CLEC16A: variants seen among roughly 807,000 people sequenced by gnomAD.
The protein encoded by CLEC16A is C-type lectin domain containing 16A.
CLEC16A carries 51 observed loss-of-function variants against 109.5 expected under a neutral mutation model. The ratio of observed to expected loss-of-function variants is 0.47; its 90% CI spans 0.37 to 0.59. The LOEUF (loss-of-function observed/expected upper bound fraction) is 0.59, where lower values mean the gene tolerates loss of function less well. Ranked by LOEUF, CLEC16A falls within the 20% of genes least tolerant of loss-of-function variation. The pLI is 0.00. For missense variants in CLEC16A, 1,339 were observed against 1,394.0 expected, an observed-to-expected ratio of 0.96 and a Z score of 0.63; for synonymous variants, 673 against 564.2, an observed-to-expected ratio of 1.19 and a Z score of -2.73.
chr16:10,982,530 A>T (rs564595760), intron 9 of CLEC16A, among the ~76,000 whole-genome samples: 1 of 152,302 alleles, frequency 6.6e-6, no homozygotes, highest in South Asian at 2.1e-4. Flanking sequence ...TGACACTAAA[A>T]TGCCCATGGA....
chr16:11,007,239 G>C (rs1050824193), intron 11 of CLEC16A, among the ~76,000 whole-genome samples: 10 of 152,196 alleles, frequency 6.6e-5, no homozygotes, highest in East Asian at 1.9e-4. Flanking sequence ...ATGAAGTAAA[G>C]ATGATAGGCC....
At chr16:11,095,836 A>C (rs939947161) in intron 19 of CLEC16A, among the ~76,000 whole-genome samples, 6 of 147,498 alleles carry the variant, frequency 4.1e-5, no homozygotes, top group Non-Finnish European at 9.0e-5. Context: ...AAAAAAAAAA[A>C]AGGGAGCTAG....
At chr16:11,166,811 A>T (rs1355267664) in intron 23 of CLEC16A, among the ~76,000 whole-genome samples, 1 of 152,202 alleles carries the variant, frequency 6.6e-6, no homozygotes, top group Non-Finnish European at 1.5e-5. Flanking sequence ...TGCAGAGCTG[A>T]TGGGCAGCAG....
intron 22 of CLEC16A, among the ~76,000 whole-genome samples, chr16:11,157,552 A>G (rs576997166): frequency 6.6e-6 from 1 of 152,332 alleles, no homozygotes; most frequent in South Asian, 2.1e-4. Context: ...GGGTCCTAGC[A>G]GTGAGGGAGG....
chr16:11,142,103 A>G (rs538439489), intron 22 of CLEC16A, among the ~76,000 whole-genome samples: 1 of 152,270 alleles, frequency 6.6e-6, no homozygotes, highest in East Asian at 1.9e-4. Context: ...GGAGGCAGGT[A>G]TGGTTACTCT....
rs1002354410 is a variant in CLEC16A at position 11,122,896 on chromosome 16, C to CTTTTTTTTTTTT, written c.2269-832_2269-821dup. Among the ~76,000 whole-genome samples, 35 of 73,794 alleles carry CTTTTTTTTTTTT rather than the reference C, an allele frequency of 4.7e-4. 2 individuals are homozygous for CTTTTTTTTTTTT. Among genetic ancestry groups the CTTTTTTTTTTTT allele is most frequent in the South Asian group, 1.2e-3 (2 of 1,614 alleles). 48.4% of individuals were successfully genotyped at this position (73,794 alleles called of 152,430 possible). ...GCTCAATGACCTTCCCTATCCCTTT[C>CTTTTTTTTTTTT]TTTTTTTTTTTTTTTTTTTTTTTTT... On this transcript the variant is annotated intron_variant, in intron 20 of 23. Coordinates refer to ENST00000409790, the MANE Select transcript of CLEC16A (RefSeq NM_015226.3).
At chr16:11,125,913 C>G (rs1183487823) in intron 21 of CLEC16A, 66 bp from the exon 22 acceptor site, 14 of 236,304 alleles carry the variant, frequency 5.9e-5, no homozygotes, top group Admixed American at 1.7e-4. Context: ...GTCCCCCCCC[C>G]CAAATTCTCA....
chr16:11,169,057 C>G (rs899271043), intron 23 of CLEC16A, among the ~76,000 whole-genome samples: 2 of 152,220 alleles, frequency 1.3e-5, no homozygotes, highest in Non-Finnish European at 2.9e-5. Context: ...TCCTAACCGC[C>G]CACTGCCTTC....
chr16:11,130,261 G>T (rs2053114282), intron 22 of CLEC16A, among the ~76,000 whole-genome samples: 1 of 152,278 alleles, frequency 6.6e-6, no homozygotes, highest in South Asian at 2.1e-4. Context: ...TTTGTTATCT[G>T]CTCAGCCTTG....
At chr16:11,099,945 C>T (rs989870714) in intron 19 of CLEC16A, among the ~76,000 whole-genome samples, 5 of 152,116 alleles carry the variant, frequency 3.3e-5, no homozygotes, top group African/African-American at 1.2e-4. Flanking sequence ...GATTGTGATT[C>T]TTACCTATCT....
At position 11,067,176 on chromosome 16, in the gene CLEC16A, TTTG is replaced by T. The variant is rs1264224935; in HGVS notation, c.2116+6157_2116+6159del. ...TGGGGGTTTTTTTTTTGGTTTTTTT[TTTG>T]TTTGTTTTTGTTTTTTTTTTTTTTT... is the stretch of plus-strand genomic sequence containing the variant. On this transcript the variant is annotated intron_variant, in intron 19 of 23. Coordinates refer to ENST00000409790, the MANE Select transcript of CLEC16A (RefSeq NM_015226.3). 9.9e-4 allele frequency among the ~76,000 whole-genome samples: 140 copies of T among 141,404 alleles called. 1 individual carries two copies. Among genetic ancestry groups the T allele is most frequent in the African/African-American group, 3.2e-3 (122 of 38,558 alleles). The allele number at this position is 141,404 out of a possible 152,430, so 92.8% of individuals were successfully genotyped here.
chr16:11,004,330 G>C (rs551387991), intron 11 of CLEC16A, among the ~76,000 whole-genome samples: 6 of 152,220 alleles, frequency 3.9e-5, no homozygotes, highest in Non-Finnish European at 7.3e-5. Flanking sequence ...GCTGGGGGCA[G>C]CGGGAAGTGA....
chr16:11,052,286 A>T (rs1410567910), intron 18 of CLEC16A, among the ~76,000 whole-genome samples: 1 of 152,194 alleles, frequency 6.6e-6, no homozygotes, highest in Non-Finnish European at 1.5e-5. Context: ...TTTTCCTAGA[A>T]AATCATTCAC....
At chr16:10,992,478 C>T (rs1478619193) in intron 10 of CLEC16A, among the ~76,000 whole-genome samples, 1 of 144,470 alleles carries the variant, frequency 6.9e-6, no homozygotes, top group Non-Finnish European at 1.5e-5. Flanking sequence ...ATGACGTACA[C>T]ATATATTAAA....
intron 10 of CLEC16A, among the ~76,000 whole-genome samples, chr16:10,994,080 C>G (rs2044188813): frequency 6.6e-6 from 1 of 152,218 alleles, no homozygotes; most frequent in Non-Finnish European, 1.5e-5. Flanking sequence ...TGAGTCTGTT[C>G]CAATTCCTGA....
chr16:11,014,925 C>A (rs1381117736), intron 11 of CLEC16A, among the ~76,000 whole-genome samples: 1 of 152,140 alleles, frequency 6.6e-6, no homozygotes, highest in South Asian at 2.1e-4. Context: ...GAGGTCAAGT[C>A]CTCTTTGATG....
chr16:11,081,498 C>T (rs966625618), intron 19 of CLEC16A, among the ~76,000 whole-genome samples: 1 of 152,154 alleles, frequency 6.6e-6, no homozygotes, highest in Non-Finnish European at 1.5e-5. Context: ...TGGCTCACGT[C>T]TCCCCAAGCT....
At chr16:11,013,716 G>A (rs967943690) in intron 11 of CLEC16A, among the ~76,000 whole-genome samples, 9 of 152,040 alleles carry the variant, frequency 5.9e-5, no homozygotes, top group Admixed American at 1.3e-4. Flanking sequence ...CCAAGATCAC[G>A]CCACCGCACT....
At chr16:11,100,671 T>G (rs1258937081) in intron 19 of CLEC16A, among the ~76,000 whole-genome samples, 5 of 152,204 alleles carry the variant, frequency 3.3e-5, no homozygotes, top group Admixed American at 3.3e-4. Flanking sequence ...CTCAGCTTTC[T>G]CATGTGTAAT....
Sources: gnomAD v4.1 joint callset for allele counts (sites outside exome capture counted in the v4.1 genomes callset) on GRCh38, gnomAD v4.1.1 for gene constraint, MANE v1.5 for transcripts, NCBI Gene and HGNC (gene_info 2026-07-23, HGNC 2026-07-21) for gene names.